NAV2: variants seen among roughly 807,000 people sequenced by gnomAD.
NAV2 encodes the protein neuron navigator 2, also known as helicase, APC down-regulated 1.
NAV2 carries 54 observed loss-of-function variants against 223.2 expected under a neutral mutation model. That is an observed-to-expected ratio of 0.24 (90% CI 0.19 to 0.30). NAV2 has a LOEUF of 0.30. Ranked by LOEUF, NAV2 falls within the 10% of genes least tolerant of loss-of-function variation. The pLI is 1.00. For missense variants in NAV2, 2,806 were observed against 3,147.5 expected, an observed-to-expected ratio of 0.89 and a Z score of 2.60; for synonymous variants, 1,279 against 1,239.3, an observed-to-expected ratio of 1.03 and a Z score of -0.67.
At chr11:19,417,610 A>G (rs1850430327) in intron 1 of NAV2, among the ~76,000 whole-genome samples, 1 of 152,242 alleles carries the variant, frequency 6.6e-6, no homozygotes, top group African/African-American at 2.4e-5. Context: ...TACCCAAAGG[A>G]TTGTAAATCA....
At chr11:19,423,449 T>A (rs1228791334) in intron 1 of NAV2, among the ~76,000 whole-genome samples, 1 of 152,204 alleles carries the variant, frequency 6.6e-6, no homozygotes, top group Non-Finnish European at 1.5e-5. Context: ...TTTACTGTCC[T>A]GTAGGGTTCA....
chr11:19,392,590 G>A (rs978825043), intron 1 of NAV2, among the ~76,000 whole-genome samples: 2 of 152,160 alleles, frequency 1.3e-5, no homozygotes, highest in African/African-American at 4.8e-5. Context: ...AGCAAGCCAG[G>A]CAGAAAATGT....
At chr11:20,092,497 G>T in intron 28 of NAV2, 129 bp downstream of exon 28, 1 of 904,450 alleles carries the variant, frequency 1.1e-6, no homozygotes, top group South Asian at 1.7e-5. Flanking sequence ...TGCACTTGGG[G>T]TGTGTATGTG....
At chr11:19,984,327 G>A (rs2050572925) in intron 11 of NAV2, 80 bp downstream of exon 11, 10 of 1,597,834 alleles carry the variant, frequency 6.3e-6, no homozygotes, top group African/African-American at 1.3e-5. Context: ...TATGATATTG[G>A]GAGAGTGAAT....
At chr11:19,928,532 C>T (rs2045001243) in intron 6 of NAV2, among the ~76,000 whole-genome samples, 2 of 152,098 alleles carry the variant, frequency 1.3e-5, no homozygotes, top group African/African-American at 4.8e-5. Flanking sequence ...TGTTAGTTAT[C>T]AGGGAAATAA....
At position 19,547,686 on chromosome 11, in the gene NAV2, G is replaced by A. The variant is rs577933994; in HGVS notation, c.75+196659G>A. Among the ~76,000 whole-genome samples the A allele has an allele frequency of 1.1e-4, 16 of 152,264 alleles. No homozygotes were observed. In the South Asian group the frequency reaches 1.2e-3, roughly 12 times the overall value. On this transcript the variant is annotated intron_variant, in intron 1 of 37. Transcript: ENST00000360655. The stretch of plus-strand genomic sequence containing the variant: ...GGGAGTGGGGGCTGAGAGCCCGGGG[G>A]ACAAGTAGGACCCCCTCTCTTCCAT...
chr11:19,995,393 A>G (rs2051771036), intron 11 of NAV2, among the ~76,000 whole-genome samples: 1 of 151,996 alleles, frequency 6.6e-6, no homozygotes, highest in Admixed American at 6.6e-5. Context: ...CATGTGTACA[A>G]CTCCAGCAGG....
chr11:19,351,087 A>G (rs1186771265), intron 1 of NAV2: 6 of 1,458,924 alleles, frequency 4.1e-6, no homozygotes, highest in Middle Eastern at 3.4e-4. Flanking sequence ...AGTGTGATTC[A>G]GAGAGCATAG....
At chr11:20,063,740 CTT>C (rs1183913822) in intron 20 of NAV2, among the ~76,000 whole-genome samples, 1 of 152,166 alleles carries the variant, frequency 6.6e-6, no homozygotes, top group Non-Finnish European at 1.5e-5. Context: ...AAAAAAGTCT[CTT>C]TGTTAATTGT....
chr11:20,048,597 C>A, intron 14 of NAV2, 131 bp from the exon 15 acceptor site: 1 of 742,062 alleles, frequency 1.3e-6, no homozygotes, highest in Non-Finnish European at 2.2e-6. Context: ...TACCGTTAGC[C>A]ATTTCAGTAG....
At chr11:19,849,136 T>G (rs1454941563) in intron 3 of NAV2, among the ~76,000 whole-genome samples, 1 of 152,132 alleles carries the variant, frequency 6.6e-6, no homozygotes, top group African/African-American at 2.4e-5. Flanking sequence ...TTGTCTATAT[T>G]TTGTACATGG....
chr11:19,485,739 TA>T lies in NAV2; in HGVS notation c.75+134716del, dbSNP rs759646842. Among the ~76,000 whole-genome samples, 1,042 of 143,838 alleles carry T rather than the reference TA, an allele frequency of 7.2e-3. 16 individuals are homozygous for T. Among genetic ancestry groups the T allele is most frequent in the African/African-American group, 0.023 (904 of 39,804 alleles). 94.4% of individuals were successfully genotyped at this position (143,838 alleles called of 152,430 possible). ...AGGATCTATTAAGGATTTTTTTTTT[TA>T]AAAGGAAAGAAAGAGACCAAGAGCT... On this transcript the variant is annotated intron_variant, in intron 1 of 37. Transcript: ENST00000360655.
intron 1 of NAV2, among the ~76,000 whole-genome samples, chr11:19,358,038 G>A (rs1011642307): frequency 1.3e-4 from 20 of 152,164 alleles, no homozygotes; most frequent in African/African-American, 4.8e-4. Context: ...CCCATCCTAG[G>A]CTACTTTGCT....
In NAV2 at chr11:19,860,142, C is replaced by T. The variant is rs1430388254; in HGVS notation, c.439-8783C>T. On this transcript the variant is annotated intron_variant, in intron 3 of 37. Transcript: ENST00000349880. ...CCGGGCAGAGGCGCCCCTCACCTCC[C>T]GGACGGGGCGGCTGGCCAGGCGGGG... 8.3e-5 allele frequency among the ~76,000 whole-genome samples: 12 copies of T among 143,800 alleles called. No homozygotes were observed. In the South Asian group the frequency reaches 9.1e-4, roughly 11 times the overall value. 94.3% of individuals were successfully genotyped at this position (143,800 alleles called of 152,430 possible).
At chr11:19,808,647 G>T (rs191530112) in intron 1 of NAV2, among the ~76,000 whole-genome samples, 18 of 152,286 alleles carry the variant, frequency 1.2e-4, no homozygotes, top group Non-Finnish European at 2.2e-4. Flanking sequence ...AAAAACAATT[G>T]TCTTTTTATT....
At chr11:19,398,512 T>C (rs1017135636) in intron 1 of NAV2, among the ~76,000 whole-genome samples, 2 of 152,164 alleles carry the variant, frequency 1.3e-5, no homozygotes, top group African/African-American at 2.4e-5. Context: ...CCACGTACCA[T>C]GCTTCAGCCA....
chr11:20,090,890 G>A lies in NAV2; in HGVS notation c.5524G>A (p.Ala1842Thr). 1 of 1,614,004 alleles carries A rather than the reference G, an allele frequency of 6.2e-7. No individual in the cohort carries two copies. Among genetic ancestry groups the A allele is most frequent in the Non-Finnish European group, 8.5e-7 (1 of 1,179,958 alleles). The stretch of plus-strand genomic sequence containing the variant: ...AATTTCAGAATGCATGGATAGTGAA[G>A]CTGAGACCGTCATGCAGCTCCGAAA... Reference protein sequence around the residue: ...SLISECMDSEAETVMQLRNEL... With the variant: ...SLISECMDSETETVMQLRNEL... Residue 1842 changes from alanine to threonine, a missense_variant, in exon 27 of 38, where the codon GCT becomes ACT. Transcript: ENST00000349880.
chr11:19,901,591 T>C (rs2042449466), intron 6 of NAV2, among the ~76,000 whole-genome samples: 1 of 152,166 alleles, frequency 6.6e-6, no homozygotes, highest in Admixed American at 6.5e-5. Context: ...TACTTTGTAG[T>C]ACATTGTTAT....
At chr11:19,429,133 T>C (rs992662776) in intron 1 of NAV2, among the ~76,000 whole-genome samples, 1 of 152,116 alleles carries the variant, frequency 6.6e-6, no homozygotes, top group Non-Finnish European at 1.5e-5. Context: ...GCACTCAGAG[T>C]CTTCTGCTTC....
Sources: allele counts gnomAD v4.1 joint callset (sites outside exome capture counted in the v4.1 genomes callset), GRCh38; gene constraint gnomAD v4.1.1; transcripts MANE v1.5; gene names NCBI Gene and HGNC (gene_info 2026-07-23, HGNC 2026-07-21).